ABCC1: variants seen among roughly 807,000 people sequenced by gnomAD.
The protein encoded by ABCC1 is ATP binding cassette subfamily C member 1 (ABCC1 blood group).
Under a neutral mutation model 172.9 loss-of-function variants are expected in ABCC1, and 83 were observed. The ratio of observed to expected loss-of-function variants is 0.48; its 90% CI spans 0.40 to 0.58. ABCC1 has a LOEUF of 0.58. Ranked by LOEUF, ABCC1 falls within the 20% of genes least tolerant of loss-of-function variation. The probability of loss-of-function intolerance (pLI) is 0.00; values close to 1 mark genes in which losing one functional copy is unlikely to be tolerated. For synonymous variants in ABCC1, 937 were observed against 825.2 expected, an observed-to-expected ratio of 1.14 and a Z score of -2.32; for missense variants, 1,817 against 2,002.7, an observed-to-expected ratio of 0.91 and a Z score of 1.77.
chr16:16,143,045 A>G lies in ABCC1; in HGVS notation c.*1764A>G, dbSNP rs1348466778. 1 of 152,124 alleles carries G rather than the reference A, an allele frequency of 6.6e-6. No individual in the cohort carries two copies. Among genetic ancestry groups the G allele is most frequent in the Non-Finnish European group, 1.5e-5 (1 of 68,026 alleles). The allele number at this position is 152,124 out of a possible 1,614,324, so 9.4% of individuals were successfully genotyped here. A position where few individuals can be genotyped will look rare whatever the true frequency, so the allele number is the denominator to read the frequency against. ...GAACATTTGCAGTAAAAAAATATAT[A>G]TATATCTATATATTTTATTTCTTTC... On this transcript the variant is annotated 3_prime_UTR_variant, in exon 31 of 31. Coordinates refer to ENST00000399410, the MANE Select transcript of ABCC1 (RefSeq NM_004996.4).
rs543581034 is a variant in ABCC1 at position 16,033,735 on chromosome 16, T to C, written c.677+565T>C. On this transcript the variant is annotated intron_variant, in intron 6 of 30. Coordinates refer to ENST00000399410, the MANE Select transcript of ABCC1 (RefSeq NM_004996.4). Reference sequence around the variant, plus strand: ...GCCTCCCAGGTTCAAGCGATTCTCCTGCCTCAGCCTCCCAGGTAGCTGGGA... The same window carrying C: ...GCCTCCCAGGTTCAAGCGATTCTCCCGCCTCAGCCTCCCAGGTAGCTGGGA... 1.1e-4 allele frequency among the ~76,000 whole-genome samples: 17 copies of C among 152,160 alleles called. No individual in the cohort carries two copies. The East Asian group carries it at 3.3e-3, about 30-fold the overall frequency.
intron 5 of ABCC1, among the ~76,000 whole-genome samples, chr16:16,024,228 A>G (rs62029846): frequency 0.053 from 8,045 of 152,176 alleles, 244 homozygotes; most frequent in Middle Eastern, 0.14. Flanking sequence ...CAAAAGAAAG[A>G]AAGAAAAAAA....
chr16:15,973,703 T>C (rs139407453), intron 1 of ABCC1, among the ~76,000 whole-genome samples: 87 of 152,022 alleles, frequency 5.7e-4, no homozygotes, highest in African/African-American at 1.9e-3. Flanking sequence ...GAGCTGGGCG[T>C]GGTGACTCAT....
intron 5 of ABCC1, among the ~76,000 whole-genome samples, chr16:16,020,400 A>C (rs780991292): frequency 6.6e-6 from 1 of 152,142 alleles, no homozygotes; most frequent in African/African-American, 2.4e-5. Flanking sequence ...TGGGGTTGCC[A>C]TTTACCTTTT....
In ABCC1 at chr16:16,125,805, C is replaced by T; in HGVS notation, c.3718-5C>T. On this transcript the variant is annotated splice_polypyrimidine_tract_variant and splice_region_variant and intron_variant, in intron 25 of 30. Transcript: ENST00000399410. Reference sequence around the variant, plus strand: ...AGAAATGCCACGTGACTCTTCCACTCACAGGTCACCACGTACTTGAACTGG... The same window carrying T: ...AGAAATGCCACGTGACTCTTCCACTTACAGGTCACCACGTACTTGAACTGG... 6.2e-7 allele frequency: 1 copy of T among 1,610,670 alleles called. No homozygotes were observed. The highest frequency in any genetic ancestry group is 8.5e-7 in the Non-Finnish European group (1 of 1,177,682).
At chr16:15,997,076 G>A (rs547666921) in intron 1 of ABCC1, among the ~76,000 whole-genome samples, 2 of 149,616 alleles carry the variant, frequency 1.3e-5, no homozygotes, top group African/African-American at 4.9e-5. Context: ...GGGAGCTGGG[G>A]AGGACATGCG....
chr16:15,971,141 GC>G, intron 1 of ABCC1, among the ~76,000 whole-genome samples: 1 of 152,172 alleles, frequency 6.6e-6, no homozygotes, highest in Non-Finnish European at 1.5e-5. Flanking sequence ...ACAGATAGCA[GC>G]TAGGTATATG....
intron 12 of ABCC1, among the ~76,000 whole-genome samples, chr16:16,066,599 G>A (rs549458729): frequency 2.0e-5 from 3 of 151,944 alleles, no homozygotes; most frequent in South Asian, 4.2e-4. Context: ...AGACCCTTTC[G>A]AGTAAAGAAT....
intron 1 of ABCC1, among the ~76,000 whole-genome samples, chr16:15,973,958 T>G (rs1007605436): frequency 2.0e-5 from 3 of 152,032 alleles, no homozygotes; most frequent in African/African-American, 7.2e-5. Context: ...GTATTCCAGC[T>G]TGGGTGACAG....
intron 3 of ABCC1, among the ~76,000 whole-genome samples, chr16:16,011,146 T>C (rs1217819230): frequency 1.3e-5 from 2 of 151,946 alleles, no homozygotes; most frequent in African/African-American, 2.4e-5. Flanking sequence ...GGCAGGAGAA[T>C]TGCTTGAACC....
At chr16:15,979,821 C>T (rs1260981468) in intron 1 of ABCC1, among the ~76,000 whole-genome samples, 8 of 152,000 alleles carry the variant, frequency 5.3e-5, no homozygotes, top group Admixed American at 5.2e-4. Context: ...TTATTTAAGA[C>T]CTGGTGTGGT....
intron 1 of ABCC1, among the ~76,000 whole-genome samples, chr16:15,981,945 T>G (rs1280121315): frequency 6.6e-6 from 1 of 152,142 alleles, no homozygotes; most frequent in African/African-American, 2.4e-5. Context: ...CCACAGCTCT[T>G]TAGGGCAAAG....
At chr16:16,002,239 G>A (rs2047340948) in intron 1 of ABCC1, among the ~76,000 whole-genome samples, 1 of 152,098 alleles carries the variant, frequency 6.6e-6, no homozygotes, top group Non-Finnish European at 1.5e-5. Context: ...AGAGAAAAAA[G>A]CAAAGTACGG....
At chr16:16,059,099 C>T (rs960906608) in intron 12 of ABCC1, among the ~76,000 whole-genome samples, 4 of 152,158 alleles carry the variant, frequency 2.6e-5, no homozygotes, top group Admixed American at 6.5e-5. Context: ...GTAGAGACAC[C>T]GGAGTGGATC....
intron 19 of ABCC1, among the ~76,000 whole-genome samples, chr16:16,092,324 G>C (rs1488445667): frequency 6.6e-6 from 1 of 152,252 alleles, no homozygotes. Context: ...ACCACAGTCA[G>C]GTTTAGAACT....
chr16:16,121,200 G>A (rs1356207093), intron 23 of ABCC1, among the ~76,000 whole-genome samples: 1 of 152,212 alleles, frequency 6.6e-6, no homozygotes, highest in South Asian at 2.1e-4. Context: ...TGTTTCGTTT[G>A]TTTTCTTAAT....
chr16:16,141,125 G>T, intron 30 of ABCC1, 48 bp from the exon 31 acceptor site: 1 of 1,563,236 alleles, frequency 6.4e-7, no homozygotes. Context: ...GGGGCACGAG[G>T]TGCTCACCCC....
intron 5 of ABCC1, among the ~76,000 whole-genome samples, chr16:16,030,389 G>C (rs916440954): frequency 2.6e-5 from 4 of 152,096 alleles, no homozygotes; most frequent in Non-Finnish European, 4.4e-5. Context: ...GCCCAGTGTG[G>C]TGGCTGATGC....
chr16:15,975,700 G>C (rs950460684), intron 1 of ABCC1, among the ~76,000 whole-genome samples: 1 of 151,754 alleles, frequency 6.6e-6, no homozygotes, highest in African/African-American at 2.4e-5. Flanking sequence ...GGGATTACAG[G>C]CATGCGCCAC....
Sources: gnomAD v4.1 joint callset for allele counts (sites outside exome capture counted in the v4.1 genomes callset) on GRCh38, gnomAD v4.1.1 for gene constraint, MANE v1.5 for transcripts, NCBI Gene and HGNC (gene_info 2026-07-23, HGNC 2026-07-21) for gene names.